Variants in FBXL17 observed in about 807,000 individuals in gnomAD.
FBXL17 encodes the protein F-box/LRR-repeat protein 17.
A neutral mutation model predicts 66.2 loss-of-function variants in FBXL17; 22 were observed. That is an observed-to-expected ratio of 0.33 (90% CI 0.24 to 0.47). The LOEUF is 0.47. FBXL17 is among the 20% of genes least tolerant of loss of function. FBXL17 has a pLI of 1.00. For missense variants in FBXL17, 878 were observed against 948.2 expected, an observed-to-expected ratio of 0.93 and a Z score of 0.97; for synonymous variants, 474 against 400.5, an observed-to-expected ratio of 1.18 and a Z score of -2.19.
chr5:108,216,505 T>C (rs1331526778), intron 5 of FBXL17, among the ~76,000 whole-genome samples: 1 of 152,204 alleles, frequency 6.6e-6, no homozygotes, highest in Non-Finnish European at 1.5e-5. Flanking sequence ...TTATAACTTT[T>C]TAATGCTTCT....
intron 6 of FBXL17, among the ~76,000 whole-genome samples, chr5:108,104,319 G>C (rs572494071): frequency 5.3e-5 from 8 of 152,210 alleles, no homozygotes; most frequent in Admixed American, 4.6e-4. Flanking sequence ...TTACAGGCAT[G>C]AGCCACCGTG....
intron 6 of FBXL17, among the ~76,000 whole-genome samples, chr5:108,077,157 T>C (rs1748585259): frequency 6.6e-6 from 1 of 152,228 alleles, no homozygotes; most frequent in Non-Finnish European, 1.5e-5. Flanking sequence ...CTAGCCTCAC[T>C]GATATCAAAA....
intron 4 of FBXL17, among the ~76,000 whole-genome samples, chr5:108,331,060 AAT>A: frequency 6.6e-6 from 1 of 152,290 alleles, no homozygotes; most frequent in Non-Finnish European, 1.5e-5. Context: ...CTCAAAAAAA[AAT>A]GTATTCTATA....
intron 6 of FBXL17, among the ~76,000 whole-genome samples, chr5:108,154,897 A>G (rs1474748045): frequency 6.6e-6 from 1 of 151,786 alleles, no homozygotes; most frequent in African/African-American, 2.4e-5. Context: ...AAATGAAGTC[A>G]AGAAACGGGA....
At chr5:108,052,359 C>T (rs1747519129) in intron 6 of FBXL17, among the ~76,000 whole-genome samples, 1 of 152,164 alleles carries the variant, frequency 6.6e-6, no homozygotes, top group Admixed American at 6.5e-5. Context: ...TCAGCAAAGT[C>T]TCAGGATACA....
chr5:108,081,175 T>C, intron 6 of FBXL17, among the ~76,000 whole-genome samples: 1 of 152,046 alleles, frequency 6.6e-6, no homozygotes. Context: ...GATCTCTTTT[T>C]TAGTGTTAAT....
chr5:108,368,964 G>C (rs923199033), intron 1 of FBXL17, among the ~76,000 whole-genome samples: 2 of 147,334 alleles, frequency 1.4e-5, no homozygotes, highest in Admixed American at 6.7e-5. Flanking sequence ...TGACCAAAAG[G>C]AAATTCTCTG....
chr5:107,862,817 T>G (rs1748163723), intron 8 of FBXL17, among the ~76,000 whole-genome samples: 1 of 141,862 alleles, frequency 7.0e-6, no homozygotes, highest in Admixed American at 7.3e-5. Context: ...TGAAACAACA[T>G]CAAACCCTTG....
At chr5:108,297,917 A>T in intron 4 of FBXL17, 1 of 963,120 alleles carries the variant, frequency 1.0e-6, no homozygotes, top group South Asian at 4.8e-5. Flanking sequence ...GAATCCATAT[A>T]TCTTCAAAAA....
chr5:107,880,672 C>G (rs1336993458), intron 8 of FBXL17: 3 of 1,215,830 alleles, frequency 2.5e-6, no homozygotes, highest in African/African-American at 3.1e-5. Flanking sequence ...TTGCTGGAAA[C>G]TTGAAACCCA....
chr5:107,963,201 A>C (rs1751985577), intron 7 of FBXL17, among the ~76,000 whole-genome samples: 1 of 152,154 alleles, frequency 6.6e-6, no homozygotes, highest in Non-Finnish European at 1.5e-5. Flanking sequence ...TAGTCGAGGC[A>C]TTAGAAGCCC....
intron 7 of FBXL17, among the ~76,000 whole-genome samples, chr5:107,994,864 C>A (rs10077316): frequency 0.26 from 39,540 of 151,576 alleles, 6,733 homozygotes; most frequent in African/African-American, 0.48. Flanking sequence ...AAAACAAAAA[C>A]ACCTATACAG....
chr5:107,990,205 AG>A (rs1304791455), intron 7 of FBXL17, among the ~76,000 whole-genome samples: 1 of 152,230 alleles, frequency 6.6e-6, no homozygotes, highest in African/African-American at 2.4e-5. Context: ...TGGGGCATAC[AG>A]AACTGGGGCT....
At chr5:107,926,616 G>A (rs905218955) in intron 7 of FBXL17, among the ~76,000 whole-genome samples, 1 of 151,306 alleles carries the variant, frequency 6.6e-6, no homozygotes, top group Non-Finnish European at 1.5e-5. Flanking sequence ...CTGGTTCTCA[G>A]GTCAAAAGTT....
At chr5:107,966,957 T>C (rs1752166988) in intron 7 of FBXL17, among the ~76,000 whole-genome samples, 1 of 152,126 alleles carries the variant, frequency 6.6e-6, no homozygotes, top group Non-Finnish European at 1.5e-5. Flanking sequence ...CTTTATTCTG[T>C]CATCATAAAA....
chr5:108,183,445 T>C (rs1194087098), intron 6 of FBXL17, among the ~76,000 whole-genome samples: 1 of 152,252 alleles, frequency 6.6e-6, no homozygotes, highest in Non-Finnish European at 1.5e-5. Flanking sequence ...ACTTCATTAT[T>C]TGTTATGAAT....
intron 6 of FBXL17, among the ~76,000 whole-genome samples, chr5:108,127,234 A>T (rs922206878): frequency 5.3e-5 from 8 of 152,194 alleles, no homozygotes; most frequent in Admixed American, 2.6e-4. Flanking sequence ...CAAATTGCCT[A>T]TCATCCTCAC....
At chr5:108,258,479 C>A (rs573554044) in intron 4 of FBXL17, among the ~76,000 whole-genome samples, 15 of 151,886 alleles carry the variant, frequency 9.9e-5, no homozygotes, top group African/African-American at 2.4e-4. Flanking sequence ...AAAACAGGTA[C>A]GAAAGAAGCA....
chr5:108,130,442 C>T (rs1033109740), intron 6 of FBXL17, among the ~76,000 whole-genome samples: 9 of 151,904 alleles, frequency 5.9e-5, no homozygotes, highest in Non-Finnish European at 1.3e-4. Flanking sequence ...ATGATTACTA[C>T]GCCTTTGAAT....
Sources: allele counts gnomAD v4.1 joint callset (sites outside exome capture counted in the v4.1 genomes callset), GRCh38; gene constraint gnomAD v4.1.1; transcripts MANE v1.5; gene names NCBI Gene and HGNC (gene_info 2026-07-23, HGNC 2026-07-21).